Variants in ABLIM2 observed in about 807,000 individuals in gnomAD.
ABLIM2 encodes the protein actin binding LIM protein family member 2.
In ABLIM2, 53 loss-of-function variants were observed where a neutral mutation model predicts 97.7. The observed-to-expected ratio is 0.54, with a 90% confidence interval of 0.44 to 0.68. The LOEUF is 0.68. Among genes scored for constraint, ABLIM2 ranks in the 30% least tolerant of loss-of-function variants. The pLI is 0.00. For synonymous variants in ABLIM2, 361 were observed against 345.8 expected, an observed-to-expected ratio of 1.04 and a Z score of -0.49; for missense variants, 835 against 867.2, an observed-to-expected ratio of 0.96 and a Z score of 0.47.
intron 1 of ABLIM2, among the ~76,000 whole-genome samples, chr4:8,156,500 A>G (rs529522230): frequency 1.3e-5 from 2 of 151,612 alleles, no homozygotes; most frequent in South Asian, 2.1e-4. Flanking sequence ...AGGCAACTGC[A>G]TGGCCTCGAT....
chr4:8,127,790 C>A lies in ABLIM2; in HGVS notation c.11-21153G>T. On this transcript the variant is annotated intron_variant, in intron 1 of 20. Transcript: ENST00000447017. The surrounding 1 kb of genome is among the most constrained non-coding windows in gnomAD (Gnocchi z 7.3). Reference sequence around the variant, plus strand: ...TGAAATAGACTCCCGCCACACTATGCGCCAGAGACACACCTGTCTCCCAGG... The same window carrying A: ...TGAAATAGACTCCCGCCACACTATGAGCCAGAGACACACCTGTCTCCCAGG... The A allele has an allele frequency of 5.7e-6, 5 of 882,076 alleles. No individual in the cohort carries two copies. Among genetic ancestry groups the A allele is most frequent in the Admixed American group, 6.2e-5 (1 of 16,120 alleles). 54.6% of individuals were successfully genotyped at this position (882,076 alleles called of 1,614,324 possible). A position where few individuals can be genotyped will look rare whatever the true frequency, so the allele number is the denominator to read the frequency against.
intron 20 of ABLIM2, among the ~76,000 whole-genome samples, chr4:7,968,714 G>T (rs1433858488): frequency 6.6e-6 from 1 of 152,238 alleles, no homozygotes; most frequent in African/African-American, 2.4e-5. Context: ...ACGGATATGG[G>T]GTTTCCTCTT....
chr4:8,091,517 A>T (rs74188601), intron 3 of ABLIM2, among the ~76,000 whole-genome samples: 10,975 of 57,496 alleles, frequency 0.19, 3,018 homozygotes, highest in African/African-American at 0.46. Flanking sequence ...AAAATATAAA[A>T]TATATATTAT....
rs553015656 is a variant in ABLIM2, at chr4:8,133,146, C to T, written c.10+25534G>A. On this transcript the variant is annotated intron_variant, in intron 1 of 20. Coordinates refer to ENST00000447017, the MANE Select transcript of ABLIM2 (RefSeq NM_001130083.2). ...ACTCCAATCTCTGCCTCCGATGTCA[C>T]GTGGCCTCCTCCCTGCGTGAGTTCA... Among the ~76,000 whole-genome samples the T allele has an allele frequency of 2.6e-5, 4 of 152,282 alleles. No homozygotes were observed. The South Asian group carries it at 8.3e-4, about 32-fold the overall frequency.
intron 8 of ABLIM2, among the ~76,000 whole-genome samples, chr4:8,048,584 T>C (rs568279803): frequency 2.0e-5 from 3 of 152,304 alleles, no homozygotes; most frequent in Admixed American, 1.3e-4. Flanking sequence ...CTACCGCCCT[T>C]GGCCACCGTG....
chr4:8,090,165 G>A (rs553649396), intron 3 of ABLIM2, among the ~76,000 whole-genome samples: 2 of 152,288 alleles, frequency 1.3e-5, no homozygotes, highest in Admixed American at 6.5e-5. Flanking sequence ...TCCCATGCCC[G>A]TGTTGCCACC....
At position 8,150,008 on chromosome 4, in the gene ABLIM2, G is replaced by C. The variant is rs573313117; in HGVS notation, c.10+8672C>G. Among the ~76,000 whole-genome samples the C allele has an allele frequency of 6.6e-6, 1 of 152,058 alleles. No homozygotes were observed. The highest frequency in any genetic ancestry group is 2.1e-4 in the South Asian group (1 of 4,812). On this transcript the variant is annotated intron_variant, in intron 1 of 20. Coordinates refer to ENST00000447017, the MANE Select transcript of ABLIM2 (RefSeq NM_001130083.2). This position sits in a 1 kb window ranked among gnomAD's most constrained non-coding sequence, Gnocchi z 6.3. ...CCTCACACCTCCCTCGTGCTTCCTG[G>C]GGTCACCTCCTAGGTAAACCACCTG...
At chr4:8,156,589 C>A (rs539839338) in intron 1 of ABLIM2, among the ~76,000 whole-genome samples, 1 of 152,354 alleles carries the variant, frequency 6.6e-6, no homozygotes, top group East Asian at 1.9e-4. Flanking sequence ...AGGGAGCCTG[C>A]AGCACACGAG....
chr4:8,050,641 C>T (rs1795396901), intron 8 of ABLIM2, among the ~76,000 whole-genome samples: 1 of 152,196 alleles, frequency 6.6e-6, no homozygotes, highest in Non-Finnish European at 1.5e-5. Context: ...GTCTGCCTGC[C>T]TTCTGCATAT....
intron 1 of ABLIM2, among the ~76,000 whole-genome samples, chr4:8,110,145 C>A (rs980900560): frequency 1.3e-5 from 2 of 152,254 alleles, no homozygotes; most frequent in African/African-American, 4.8e-5. Context: ...GGGTGATGCA[C>A]CCAGTCCACA....
At chr4:8,078,887 C>T (rs1291740147) in intron 5 of ABLIM2, among the ~76,000 whole-genome samples, 2 of 152,252 alleles carry the variant, frequency 1.3e-5, no homozygotes, top group Non-Finnish European at 2.9e-5. Flanking sequence ...AGCGAGGTAC[C>T]TGCCACTCCA....
chr4:8,070,859 G>A (rs1030635398), intron 6 of ABLIM2, among the ~76,000 whole-genome samples: 1 of 152,124 alleles, frequency 6.6e-6, no homozygotes, highest in African/African-American at 2.4e-5. Flanking sequence ...GGGGGACGCT[G>A]GGCTTCTTGT....
chr4:8,118,108 C>T (rs1843596092), intron 1 of ABLIM2, among the ~76,000 whole-genome samples: 1 of 152,256 alleles, frequency 6.6e-6, no homozygotes, highest in Non-Finnish European at 1.5e-5. Context: ...TCCCTGCCAT[C>T]TGCGCAGGAA....
intron 20 of ABLIM2, 121 bp from the exon 21 acceptor site, chr4:7,967,224 C>T: frequency 1.2e-6 from 1 of 809,354 alleles, no homozygotes; most frequent in East Asian, 2.4e-5. Context: ...GGGTGGCCCT[C>T]AGCGTGCTCG....
chr4:8,093,279 A>T (rs1829835273), intron 3 of ABLIM2, among the ~76,000 whole-genome samples: 1 of 152,076 alleles, frequency 6.6e-6, no homozygotes, highest in South Asian at 2.1e-4. Context: ...GCAACCTTGA[A>T]CTCATATCTA....
In ABLIM2 at chr4:8,087,683, T is replaced by C. The variant is rs1824607160; in HGVS notation, c.454+486A>G. ...GGCAAAAGCAGCAGTGGACATTAGA[T>C]GGGAAAGCAGCAGTGGGCATTAGAT... On this transcript the variant is annotated intron_variant, in intron 4 of 20. Transcript: ENST00000447017. The surrounding 1 kb of genome is among the most constrained non-coding windows in gnomAD (Gnocchi z 4.6). Among the ~76,000 whole-genome samples, 1 of 151,686 alleles carries C rather than the reference T, an allele frequency of 6.6e-6. No homozygotes were observed. Among genetic ancestry groups the C allele is most frequent in the Non-Finnish European group, 1.5e-5 (1 of 67,926 alleles).
rs1468977008 is a variant in ABLIM2, at chr4:8,071,722, C to G, written c.675+5906G>C. On this transcript the variant is annotated intron_variant, in intron 6 of 20. Transcript: ENST00000447017. The surrounding 1 kb of genome is among the most constrained non-coding windows in gnomAD (Gnocchi z 6.2). ...ACCCACCCGCAGCCCCTCCTGGCCCCTGTGAGCCCCCATCAGCCCCTTGGA... is the reference window on the plus strand; with the variant it reads ...ACCCACCCGCAGCCCCTCCTGGCCCGTGTGAGCCCCCATCAGCCCCTTGGA... 2.0e-6 allele frequency: 2 copies of G among 985,248 alleles called. No homozygotes were observed. The highest frequency in any genetic ancestry group is 2.3e-4 in the East Asian group (2 of 8,810). 61.0% of individuals were successfully genotyped at this position (985,248 alleles called of 1,614,324 possible).
intron 2 of ABLIM2, among the ~76,000 whole-genome samples, chr4:8,100,915 T>C (rs1302222452): frequency 6.6e-6 from 1 of 152,114 alleles, no homozygotes; most frequent in East Asian, 1.9e-4. Context: ...TTGACATGAA[T>C]GTGAGGAATC....
intron 6 of ABLIM2, among the ~76,000 whole-genome samples, chr4:8,064,289 T>A (rs6832096): frequency 0.57 from 86,087 of 152,090 alleles, 24,741 homozygotes; most frequent in South Asian, 0.67. Flanking sequence ...TCTAATCACC[T>A]GTGTGGCAGT....
Sources: gnomAD v4.1 joint callset for allele counts (sites outside exome capture counted in the v4.1 genomes callset) on GRCh38, gnomAD v4.1.1 for gene constraint, Gnocchi (gnomAD v3.1) non-coding constraint, MANE v1.5 for transcripts, NCBI Gene and HGNC (gene_info 2026-07-23, HGNC 2026-07-21) for gene names.